The following ROBO1 variants were observed in gnomAD, a reference collection of about 807,000 sequenced individuals.
The protein encoded by ROBO1 is roundabout guidance receptor 1.
ROBO1 carries 149 observed loss-of-function variants against 195.9 expected under a neutral mutation model. The ratio of observed to expected loss-of-function variants is 0.76; its 90% confidence interval spans 0.67 to 0.87. ROBO1 has a LOEUF of 0.87. Ranked by LOEUF, ROBO1 falls within the 40% of genes least tolerant of loss-of-function variation. The pLI, the probability that ROBO1 is intolerant of heterozygous loss-of-function variation, is 0.00. For synonymous variants in ROBO1, 816 were observed against 733.2 expected, an observed-to-expected ratio of 1.11 and a Z score of -1.82; for missense variants, 1,933 against 2,068.3, an observed-to-expected ratio of 0.93 and a Z score of 1.27.
chr3:78,881,943 A>T (rs1025367179), intron 4 of ROBO1, among the ~76,000 whole-genome samples: 1 of 152,198 alleles, frequency 6.6e-6, no homozygotes, highest in Non-Finnish European at 1.5e-5. Flanking sequence ...CTCTGCAATT[A>T]CTGTTAGATG....
In ROBO1 at chr3:78,657,136, C is replaced by A; in HGVS notation, c.2576G>T (p.Gly859Val). 6.2e-7 allele frequency: 1 copy of A among 1,612,008 alleles called. No individual in the cohort carries two copies. The highest frequency in any genetic ancestry group is 8.5e-7 in the Non-Finnish European group (1 of 1,179,098). Residue 859 changes from glycine to valine, a missense_variant, in exon 18 of 31, where the codon GGG (glycine) becomes GTG (valine). Transcript: ENST00000464233. ...SVEVAASTGA[G>V]SGVKSEPQFI... ...CTGAGGCTCACTCTTTACCCCAGAC[C>A]CAGCCCCAGTGCTGGCTGCCACTTC... is the stretch of plus-strand genomic sequence containing the variant.
At chr3:78,773,600 A>G (rs1215086738) in intron 4 of ROBO1, among the ~76,000 whole-genome samples, 1 of 152,182 alleles carries the variant, frequency 6.6e-6, no homozygotes, top group Non-Finnish European at 1.5e-5. Flanking sequence ...AGTATCATAC[A>G]TTAATATTCC....
chr3:79,184,423 A>G (rs1559719779), intron 2 of ROBO1, among the ~76,000 whole-genome samples: 1 of 152,166 alleles, frequency 6.6e-6, no homozygotes, highest in African/African-American at 2.4e-5. Flanking sequence ...CAACTGAACT[A>G]GTACAATAAA....
intron 4 of ROBO1, among the ~76,000 whole-genome samples, chr3:78,818,810 A>G (rs1469342546): frequency 3.3e-5 from 5 of 152,114 alleles, no homozygotes; most frequent in Non-Finnish European, 7.3e-5. Flanking sequence ...GTCCCCCTCT[A>G]TCACAGTTTC....
At chr3:78,650,014 A>T (rs1203401407) in intron 19 of ROBO1, among the ~76,000 whole-genome samples, 2 of 152,162 alleles carry the variant, frequency 1.3e-5, no homozygotes, top group Non-Finnish European at 2.9e-5. Context: ...TGCAAAACAG[A>T]GTTCATGATG....
At chr3:78,608,020 TACACACACACACACAC>T (rs56715450) in intron 28 of ROBO1, among the ~76,000 whole-genome samples, 1 of 149,766 alleles carries the variant, frequency 6.7e-6, no homozygotes, top group East Asian at 2.0e-4. Context: ...TAATTTCATT[TACACACACACACACAC>T]ACACACACAC....
At chr3:78,847,985 C>A (rs1439903205) in intron 4 of ROBO1, among the ~76,000 whole-genome samples, 1 of 151,992 alleles carries the variant, frequency 6.6e-6, no homozygotes, top group Non-Finnish European at 1.5e-5. Context: ...ACTAATAATC[C>A]TTCTGACTTT....
intron 2 of ROBO1, among the ~76,000 whole-genome samples, chr3:79,162,180 G>A (rs1337192446): frequency 6.6e-6 from 1 of 152,034 alleles, no homozygotes; most frequent in African/African-American, 2.4e-5. Context: ...AGTAAAATTG[G>A]AAAGGAGTTC....
intron 2 of ROBO1, among the ~76,000 whole-genome samples, chr3:79,147,482 T>A (rs774985135): frequency 6.6e-6 from 1 of 151,992 alleles, no homozygotes; most frequent in Non-Finnish European, 1.5e-5. Context: ...TGATATTCCT[T>A]ACACAGCTGT....
intron 2 of ROBO1, among the ~76,000 whole-genome samples, chr3:79,548,382 C>T (rs1199322796): frequency 6.6e-6 from 1 of 152,118 alleles, no homozygotes; most frequent in Non-Finnish European, 1.5e-5. Flanking sequence ...CCACGGATAC[C>T]CATGCTAGAG....
chr3:79,722,492 G>T (rs571563277), intron 1 of ROBO1, among the ~76,000 whole-genome samples: 2 of 152,036 alleles, frequency 1.3e-5, no homozygotes, highest in African/African-American at 4.8e-5. Context: ...CAGTTCCATC[G>T]CCAACTGTTG....
intron 28 of ROBO1, among the ~76,000 whole-genome samples, chr3:78,613,043 G>A (rs3773194): frequency 0.93 from 140,986 of 152,298 alleles, 65,445 homozygotes; most frequent in Middle Eastern, 0.98. Flanking sequence ...CAAGTACTAC[G>A]GAACGTGGGA....
At chr3:79,408,213 C>T (rs142144319) in intron 2 of ROBO1, among the ~76,000 whole-genome samples, 21 of 146,892 alleles carry the variant, frequency 1.4e-4, no homozygotes, top group African/African-American at 5.2e-4. Context: ...AGTGAAATTC[C>T]GTCTCAAAAA....
At chr3:79,205,121 T>C (rs1477736345) in intron 2 of ROBO1, among the ~76,000 whole-genome samples, 1 of 151,550 alleles carries the variant, frequency 6.6e-6, no homozygotes, top group Non-Finnish European at 1.5e-5. Flanking sequence ...GCCTCTGGAG[T>C]AGTTGGGATT....
At chr3:79,295,002 A>G (rs1455795632) in intron 2 of ROBO1, among the ~76,000 whole-genome samples, 1 of 152,198 alleles carries the variant, frequency 6.6e-6, no homozygotes, top group Non-Finnish European at 1.5e-5. Context: ...TGTTGGTTGG[A>G]GTGTAAATTA....
At chr3:78,805,621 G>T (rs181992788) in intron 4 of ROBO1, among the ~76,000 whole-genome samples, 2 of 152,008 alleles carry the variant, frequency 1.3e-5, no homozygotes, top group East Asian at 3.9e-4. Context: ...AAGAGTTACT[G>T]ATTAAGTCTA....
intron 4 of ROBO1, among the ~76,000 whole-genome samples, chr3:78,891,570 C>T (rs991080260): frequency 3.9e-5 from 6 of 152,092 alleles, no homozygotes; most frequent in Admixed American, 2.0e-4. Flanking sequence ...ACTTAAGACA[C>T]GAGTTAGCAA....
At chr3:79,025,908 A>G (rs2078194745) in intron 3 of ROBO1, among the ~76,000 whole-genome samples, 1 of 152,156 alleles carries the variant, frequency 6.6e-6, no homozygotes, top group Non-Finnish European at 1.5e-5. Context: ...TCGTGACTGG[A>G]ACACAGTTCT....
At chr3:79,764,929 C>A (rs922740976) in intron 1 of ROBO1, among the ~76,000 whole-genome samples, 1 of 152,158 alleles carries the variant, frequency 6.6e-6, no homozygotes, top group Non-Finnish European at 1.5e-5. Flanking sequence ...CCCTAGGCAG[C>A]TGTTGAGTCT....
Sources: gnomAD v4.1 joint callset for allele counts (sites outside exome capture counted in the v4.1 genomes callset) on GRCh38, gnomAD v4.1.1 for gene constraint, MANE v1.5 for transcripts, NCBI Gene and HGNC (gene_info 2026-07-23, HGNC 2026-07-21) for gene names.